Variants in GLIPR1L2 observed in about 807,000 individuals in gnomAD.
GLIPR1L2 encodes GLIPR1 like 2, also known as GLIPR1-like protein 2.
Under a neutral mutation model 28.4 loss-of-function variants are expected in GLIPR1L2, and 21 were observed. The ratio of observed to expected loss-of-function variants is 0.74; its 90% CI spans 0.52 to 1.06. The LOEUF (loss-of-function observed/expected upper bound fraction) is 1.06. GLIPR1L2 is among the 50% of genes least tolerant of loss of function. The probability of loss-of-function intolerance (pLI) is 0.00; values close to 1 mark genes in which losing one functional copy is unlikely to be tolerated. For synonymous variants in GLIPR1L2, 145 were observed against 139.3 expected (o/e 1.04, Z -0.29); for missense variants, 476 against 416.9 (o/e 1.14, Z -1.23).
chr12:75,413,022 A>G (rs1462433886), intron 2 of GLIPR1L2, among the ~76,000 whole-genome samples: 4 of 152,208 alleles, frequency 2.6e-5, no homozygotes, highest in South Asian at 2.1e-4. Flanking sequence ...GCCATAAAAA[A>G]TGATGAGTTC....
In GLIPR1L2 at chr12:75,397,961, T is replaced by C. The variant is rs187686330; in HGVS notation, c.234+6611T>C. Among the ~76,000 whole-genome samples, 8 of 152,064 alleles carry C rather than the reference T, an allele frequency of 5.3e-5. No individual in the cohort carries two copies. The East Asian group carries it at 1.4e-3, about 26-fold the overall frequency. ...GGCACATGAGTTCACCACTCGGACTTTTAACTTTTCTCTTCATTTCTGGCA... is the reference window on the plus strand; with the variant it reads ...GGCACATGAGTTCACCACTCGGACTCTTAACTTTTCTCTTCATTTCTGGCA... On this transcript the variant is annotated intron_variant, in intron 1 of 5. Transcript: ENST00000550916.
At chr12:75,409,621 AATCTT>A (rs1314281805) in intron 1 of GLIPR1L2, among the ~76,000 whole-genome samples, 4 of 146,230 alleles carry the variant, frequency 2.7e-5, no homozygotes, top group East Asian at 2.0e-4. Context: ...CTTATTCTCT[AATCTT>A]ATATATATAT....
At chr12:75,420,452 C>A (rs2045965843) in intron 3 of GLIPR1L2, among the ~76,000 whole-genome samples, 1 of 152,196 alleles carries the variant, frequency 6.6e-6, no homozygotes, top group African/African-American at 2.4e-5. Context: ...GCCCAGGTAA[C>A]ATGTCCTTAT....
At chr12:75,423,180 C>G in intron 4 of GLIPR1L2, 191 bp downstream of exon 4, 1 of 1,447,232 alleles carries the variant, frequency 6.9e-7, no homozygotes, top group Non-Finnish European at 9.0e-7. Context: ...TTTTTCTGTT[C>G]TATCTTAACC....
intron 1 of GLIPR1L2, chr12:75,402,907 G>C (rs2045757824): frequency 2.3e-6 from 1 of 434,956 alleles, no homozygotes; most frequent in African/African-American, 2.0e-5. Context: ...ATTTGGAATT[G>C]AGCCCATTCT....
intron 1 of GLIPR1L2, among the ~76,000 whole-genome samples, chr12:75,393,355 T>C (rs2045651011): frequency 6.6e-6 from 1 of 152,082 alleles, no homozygotes; most frequent in African/African-American, 2.4e-5. Context: ...TTTTTTCGTC[T>C]TCCTGAACTG....
At chr12:75,391,806 A>C (rs1294529256) in intron 1 of GLIPR1L2, among the ~76,000 whole-genome samples, 1 of 151,970 alleles carries the variant, frequency 6.6e-6, no homozygotes, top group African/African-American at 2.4e-5. Flanking sequence ...TGTATTTGAA[A>C]TTTTTATTTT....
chr12:75,402,925 C>T, intron 1 of GLIPR1L2: 2 of 449,534 alleles, frequency 4.4e-6, no homozygotes, highest in East Asian at 7.0e-5. Flanking sequence ...TCTCTCTCCT[C>T]TAACATGATA....
At chr12:75,421,099 C>A (rs940424305) in intron 3 of GLIPR1L2, among the ~76,000 whole-genome samples, 4 of 151,992 alleles carry the variant, frequency 2.6e-5, no homozygotes, top group African/African-American at 4.8e-5. Flanking sequence ...TCCTTGGGAC[C>A]TTAGGAGACA....
chr12:75,403,215 G>T (rs561256051), intron 1 of GLIPR1L2: 13 of 433,622 alleles, frequency 3.0e-5, no homozygotes, highest in East Asian at 7.1e-5. Flanking sequence ...TAGATTTTTT[G>T]ATTTTTAAGC....
Position 75,391,165 on chromosome 12 carries a change from C to G in GLIPR1L2, c.49C>G (p.Pro17Ala). The G allele has an allele frequency of 6.2e-7, 1 of 1,614,194 alleles. No individual in the cohort carries two copies. Reference sequence around the variant, plus strand: ...CCGGGAGTGGAGGGCCCAGTCCCTACCCCTGGCAGTAGGGGGCGTTTTGAA... The same window carrying G: ...CCGGGAGTGGAGGGCCCAGTCCCTAGCCCTGGCAGTAGGGGGCGTTTTGAA... ...FAREWRAQSLPLAVGGVLKLR... is the reference protein window; with the variant it reads ...FAREWRAQSLALAVGGVLKLR... Residue 17 changes from proline (P) to alanine (A), a missense_variant, in exon 1 of 6, where the codon CCC becomes GCC. By Grantham distance (27) the Pro-to-Ala change is conservative (BLOSUM62 -1). Coordinates refer to ENST00000550916, the MANE Select transcript of GLIPR1L2 (RefSeq NM_001270396.2).
At chr12:75,412,820 T>C (rs1426259736) in intron 2 of GLIPR1L2, among the ~76,000 whole-genome samples, 25 of 152,156 alleles carry the variant, frequency 1.6e-4, no homozygotes, top group African/African-American at 6.0e-4. Context: ...AGAAATACCA[T>C]TTGACCCAGC....
At chr12:75,394,763 C>CAAAAAAAAAAAAAA (rs71078727) in intron 1 of GLIPR1L2, among the ~76,000 whole-genome samples, 2 of 80,256 alleles carry the variant, frequency 2.5e-5, no homozygotes, top group Non-Finnish European at 2.4e-5. Context: ...TGTATTTCTG[C>CAAAAAAAAAAAAAA]AAAAAAAAAA....
In GLIPR1L2 at chr12:75,391,138, G is replaced by T. The variant is rs1192147038; in HGVS notation, c.22G>T (p.Ala8Ser). 6 of 1,613,648 alleles carry T rather than the reference G, an allele frequency of 3.7e-6. No homozygotes were observed. In the South Asian group the frequency reaches 4.4e-5, roughly 12 times the overall value. The change falls in exon 1 of 6, where the codon GCC becomes TCC. Residue 8 changes from alanine (A) to serine (S), a missense_variant. Transcript: ENST00000550916. MEAARPF[A>S]REWRAQSLPL... ...GACCATGGAGGCCGCAAGGCCCTTC[G>T]CCCGGGAGTGGAGGGCCCAGTCCCT... is the stretch of plus-strand genomic sequence containing the variant.
At chr12:75,395,955 C>T (rs1473215010) in intron 1 of GLIPR1L2, among the ~76,000 whole-genome samples, 2 of 151,650 alleles carry the variant, frequency 1.3e-5, no homozygotes, top group African/African-American at 2.4e-5. Flanking sequence ...CTATGGTGTA[C>T]AGTTAGGTTG....
At chr12:75,423,329 C>A (rs937302034) in intron 4 of GLIPR1L2, 1 of 1,091,082 alleles carries the variant, frequency 9.2e-7, no homozygotes, top group African/African-American at 1.6e-5. Flanking sequence ...TAGTATATTC[C>A]AAAATATTTA....
chr12:75,410,396 A>T, intron 1 of GLIPR1L2, 38 bp from the exon 2 acceptor site: 2 of 1,445,764 alleles, frequency 1.4e-6, no homozygotes, highest in South Asian at 1.6e-5. Flanking sequence ...ACAAAAAAAA[A>T]CTTATTTTGT....
At chr12:75,419,710 C>A (rs1349191861) in intron 3 of GLIPR1L2, among the ~76,000 whole-genome samples, 1 of 152,052 alleles carries the variant, frequency 6.6e-6, no homozygotes, top group Non-Finnish European at 1.5e-5. Flanking sequence ...CCTTTAGGTG[C>A]AGGATATGTT....
chr12:75,406,513 T>C (rs1427852977), intron 1 of GLIPR1L2, among the ~76,000 whole-genome samples: 1 of 151,926 alleles, frequency 6.6e-6, no homozygotes, highest in Non-Finnish European at 1.5e-5. Flanking sequence ...TCCCAACACT[T>C]TGGGAGGCTG....
Sources: allele counts gnomAD v4.1 joint callset (sites outside exome capture counted in the v4.1 genomes callset), GRCh38; gene constraint gnomAD v4.1.1; transcripts MANE v1.5; gene names NCBI Gene and HGNC (gene_info 2026-07-23, HGNC 2026-07-21).